Variants in PADI6 observed in about 807,000 individuals in gnomAD.
PADI6 encodes inactive protein-arginine deiminase type-6.
In PADI6, 66 loss-of-function variants were observed where a neutral mutation model predicts 78.2. The ratio of observed to expected loss-of-function variants is 0.84; its 90% CI spans 0.69 to 1.04. The LOEUF (loss-of-function observed/expected upper bound fraction) is 1.04, where lower values mean the gene tolerates loss of function less well. PADI6 is among the 50% of genes least tolerant of loss of function. PADI6 has a pLI of 0.00. For synonymous variants in PADI6, 397 were observed against 346.9 expected, an observed-to-expected ratio of 1.14 and a Z score of -1.60; for missense variants, 854 against 866.1, an observed-to-expected ratio of 0.99 and a Z score of 0.18.
At chr1:17,375,351 G>T (rs959532361) in intron 2 of PADI6, 76 bp from the exon 3 acceptor site, 15 of 1,364,744 alleles carry the variant, frequency 1.1e-5, no homozygotes, top group Middle Eastern at 1.8e-4. Context: ...GCCTAGACTC[G>T]GCACATGGCC....
At chr1:17,373,558 C>T (rs574952581) in intron 2 of PADI6, among the ~76,000 whole-genome samples, 137 of 151,632 alleles carry the variant, frequency 9.0e-4, no homozygotes, top group African/African-American at 3.2e-3. Flanking sequence ...ATGGCACAAT[C>T]TCAGCTCACT....
rs140901423 is a variant in PADI6 at position 17,397,135 on chromosome 1, C to A, written c.1683C>A (p.Tyr561Ter). The A allele has an allele frequency of 1.2e-6, 2 of 1,613,750 alleles. No homozygotes were observed. Among genetic ancestry groups the A allele is most frequent in the Non-Finnish European group, 1.7e-6 (2 of 1,179,774 alleles). Residue 561 changes from tyrosine to a stop codon, truncating the protein, a stop_gained, in exon 14 of 16, where the codon TAC (tyrosine) becomes TAA (stop). Coordinates refer to ENST00000619609, the MANE Select transcript of PADI6 (RefSeq NM_207421.4). LOFTEE classifies it high-confidence loss of function. ...ADESLKKQNEYVEKCIHLNRD... is the reference protein window; with the variant it reads ...ADESLKKQNE ...AAAGCCTGAAGAAGCAGAATGAATA[C>A]GTGGAGGTAGGACCAGTGTGAAGGG...
chr1:17,389,988 C>T (rs1220300493), intron 8 of PADI6, among the ~76,000 whole-genome samples: 1 of 152,172 alleles, frequency 6.6e-6, no homozygotes, highest in African/African-American at 2.4e-5. Context: ...AATGCTCTAG[C>T]AGGGATGGGA....
chr1:17,378,091 C>T (rs2075036382), intron 3 of PADI6, among the ~76,000 whole-genome samples: 2 of 152,146 alleles, frequency 1.3e-5, no homozygotes, highest in Non-Finnish European at 1.5e-5. Flanking sequence ...ATGGCTCTTA[C>T]CCTAGATGTT....
At chr1:17,388,324 A>T in intron 6 of PADI6, 57 bp from the exon 7 acceptor site, 7 of 1,472,838 alleles carry the variant, frequency 4.8e-6, no homozygotes, top group Non-Finnish European at 6.4e-6. Context: ...TTGACCATCA[A>T]ATGTGACCGG....
chr1:17,373,188 C>T lies in PADI6; in HGVS notation c.249C>T (p.Ala83=), dbSNP rs199621634. 6.1e-5 allele frequency: 99 copies of T among 1,614,014 alleles called. 1 individual carries two copies. The Admixed American group carries it at 1.6e-3, about 26-fold the overall frequency. ...IWWPLSDPTY[A]TVKMTSPSPS... ...GGCCCCTGTCTGATCCCACGTACGC[C>T]ACAGTGAAGATGACATCGCCCAGCC... Residue 83 remains alanine, a synonymous_variant, in exon 2 of 16, where the codon GCC becomes GCT. Coordinates refer to ENST00000619609, the MANE Select transcript of PADI6 (RefSeq NM_207421.4).
chr1:17,393,821 G>A lies in PADI6; in HGVS notation c.1075-154G>A, dbSNP rs556877872. Among the ~76,000 whole-genome samples the A allele has an allele frequency of 8.5e-5, 13 of 152,240 alleles. No homozygotes were observed. The East Asian group carries it at 2.3e-3, about 27-fold the overall frequency. On this transcript the variant is annotated intron_variant, in intron 9 of 15. Coordinates refer to ENST00000619609, the MANE Select transcript of PADI6 (RefSeq NM_207421.4). Reference sequence around the variant, plus strand: ...CTGAAGAGTAGGGGAGAGAGGGATCGGAGAGCCTTCAAGAAGGGGTGATAT... The same window carrying A: ...CTGAAGAGTAGGGGAGAGAGGGATCAGAGAGCCTTCAAGAAGGGGTGATAT...
chr1:17,386,390 T>G (rs1376474438), intron 6 of PADI6, among the ~76,000 whole-genome samples: 1 of 152,166 alleles, frequency 6.6e-6, no homozygotes, highest in African/African-American at 2.4e-5. Flanking sequence ...GCAAACAGAC[T>G]GTGACCCTCT....
rs1470170738 is a variant in PADI6 at position 17,372,224 on chromosome 1, G to C, written c.-22G>C. The C allele has an allele frequency of 6.2e-7, 1 of 1,606,604 alleles. No individual in the cohort carries two copies. Among genetic ancestry groups the C allele is most frequent in the Admixed American group, 1.7e-5 (1 of 60,018 alleles). The stretch of plus-strand genomic sequence containing the variant: ...CGTCTGAGGCTGCTGTGCTGAGTGA[G>C]GGCTGCGGTGCAGGCCTGAGGATGG... On this transcript the variant is annotated 5_prime_UTR_variant, in exon 1 of 16. Coordinates refer to ENST00000619609, the MANE Select transcript of PADI6 (RefSeq NM_207421.4).
chr1:17,398,648 T>TCCCCTGCCCCCCCCCCCCC, intron 14 of PADI6, 38 bp from the exon 15 acceptor site: 2 of 193,328 alleles, frequency 1.0e-5, no homozygotes, highest in Non-Finnish European at 1.8e-5. Flanking sequence ...CTCTCCTTGC[T>TCCCCTGCCCCCCCCCCCCC]CCCCCGCCCC....
rs1018743453 is a variant in PADI6 at position 17,373,141 on chromosome 1, A to G, written c.202A>G (p.Lys68Glu). ...IDVANTVISE[K>E]EDATIWWPLS... ...TGTGGCCAACACGGTGATTTCTGAG[A>G]AGGAGGACGCCACCATCTGGTGGCC... Residue 68 changes from lysine to glutamate, a missense_variant, in exon 2 of 16, where the codon AAG becomes GAG. Lys to Glu is a moderately conservative substitution (Grantham distance 56). Transcript: ENST00000619609. The G allele has an allele frequency of 1.9e-6, 3 of 1,613,666 alleles. No homozygotes were observed. Among genetic ancestry groups the G allele is most frequent in the African/African-American group, 1.3e-5 (1 of 74,908 alleles).
chr1:17,386,025 T>C (rs1279975273), intron 6 of PADI6, among the ~76,000 whole-genome samples: 6 of 147,826 alleles, frequency 4.1e-5, no homozygotes, highest in African/African-American at 1.5e-4. Flanking sequence ...CAGCAGAGGC[T>C]GGAGGGAGCC....
Position 17,398,685 on chromosome 1 carries a change from G to T in PADI6, c.1690-1G>T, listed in dbSNP as rs1359514961. 1 of 981,166 alleles carries T rather than the reference G, an allele frequency of 1.0e-6. No individual in the cohort carries two copies. The highest frequency in any genetic ancestry group is 1.2e-6 in the Non-Finnish European group (1 of 807,296). 60.8% of individuals were successfully genotyped at this position (981,166 alleles called of 1,614,324 possible). A position where few individuals can be genotyped will look rare whatever the true frequency, so the allele number is the denominator to read the frequency against. On this transcript the variant is annotated splice_acceptor_variant, in intron 14 of 15. Transcript: ENST00000619609. LOFTEE classifies it high-confidence loss of function. ...CCCCCCACCCACCCACCCACCCACAGAAGTGCATTCACCTGAACCGTGACA... is the reference window on the plus strand; with the variant it reads ...CCCCCCACCCACCCACCCACCCACATAAGTGCATTCACCTGAACCGTGACA...
intron 6 of PADI6, among the ~76,000 whole-genome samples, chr1:17,382,893 C>T (rs2075086760): frequency 6.6e-6 from 1 of 152,174 alleles, no homozygotes; most frequent in African/African-American, 2.4e-5. Context: ...TGGACTCAAG[C>T]AGTCCTCCTA....
At chr1:17,383,154 C>T in intron 6 of PADI6, among the ~76,000 whole-genome samples, 1 of 152,356 alleles carries the variant, frequency 6.6e-6, no homozygotes, top group South Asian at 2.1e-4. Context: ...GTGGTCTATA[C>T]TGTGCCTCTT....
intron 12 of PADI6, 43 bp from the exon 13 acceptor site, chr1:17,395,497 C>A (rs982413006): frequency 6.5e-6 from 10 of 1,544,374 alleles, no homozygotes; most frequent in South Asian, 1.2e-5. Flanking sequence ...GCCACCATGT[C>A]CAGCTGAGAA....
chr1:17,393,307 G>A (rs2075209731), intron 9 of PADI6, among the ~76,000 whole-genome samples: 1 of 152,140 alleles, frequency 6.6e-6, no homozygotes, highest in African/African-American at 2.4e-5. Context: ...GGGAATGAAA[G>A]GTTATAGTTC....
chr1:17,394,892 C>T (rs6691485), intron 11 of PADI6, 59 bp from the exon 12 acceptor site: 958,550 of 1,490,300 alleles, frequency 0.64, 309,606 homozygotes, highest in South Asian at 0.68. Flanking sequence ...CACCAAGTGG[C>T]GGGTGACCAG....
chr1:17,388,724 G>C, intron 7 of PADI6, 53 bp from the exon 8 acceptor site: 1 of 1,559,102 alleles, frequency 6.4e-7, no homozygotes, highest in Non-Finnish European at 8.8e-7. Flanking sequence ...GGGGTAAGAG[G>C]GGAGCGAGTA....
Sources: allele counts gnomAD v4.1 joint callset (sites outside exome capture counted in the v4.1 genomes callset), GRCh38; gene constraint gnomAD v4.1.1; transcripts MANE v1.5; gene names NCBI Gene and HGNC (gene_info 2026-07-23, HGNC 2026-07-21).